Variants in STX17 observed in about 807,000 individuals in gnomAD.
STX17 encodes syntaxin 17, also known as syntaxin-17.
A neutral mutation model predicts 35.9 loss-of-function variants in STX17; 29 were observed. The observed-to-expected ratio is 0.81, with a 90% CI of 0.60 to 1.10. STX17 has a LOEUF of 1.10. STX17 is among the 50% of genes least tolerant of loss of function. The probability of loss-of-function intolerance (pLI) is 0.00; values close to 1 mark genes in which losing one functional copy is unlikely to be tolerated. For synonymous variants in STX17, 92 were observed against 118.3 expected (o/e 0.78, Z 1.44); for missense variants, 312 against 352.3 (o/e 0.89, Z 0.92).
At chr9:99,913,371 T>C (rs1048359340) in intron 1 of STX17, among the ~76,000 whole-genome samples, 1 of 152,100 alleles carries the variant, frequency 6.6e-6, no homozygotes, top group African/African-American at 2.4e-5. Flanking sequence ...ACTTTTCATC[T>C]TTTTATTCCT....
At chr9:99,958,461 G>C (rs554504814) in intron 4 of STX17, among the ~76,000 whole-genome samples, 1 of 152,344 alleles carries the variant, frequency 6.6e-6, no homozygotes, top group African/African-American at 2.4e-5. Context: ...AGCAGCAGCA[G>C]TAACTAATTT....
rs370341389 is a variant in STX17 at position 99,972,064 on chromosome 9, G to T, written c.*3391G>T. ...TTGAAATGACACATTCCATTCATTTGCATCTTTTTAAAAAACTTCTGATTC... is the reference window on the plus strand; with the variant it reads ...TTGAAATGACACATTCCATTCATTTTCATCTTTTTAAAAAACTTCTGATTC... On this transcript the variant is annotated 3_prime_UTR_variant, in exon 8 of 8. Coordinates refer to ENST00000259400, the MANE Select transcript of STX17 (RefSeq NM_017919.3). Among the ~76,000 whole-genome samples the T allele has an allele frequency of 1.5e-4, 23 of 152,254 alleles. No homozygotes were observed. In the East Asian group the frequency reaches 4.2e-3, roughly 28 times the overall value.
At chr9:99,915,080 A>T in intron 1 of STX17, 98 bp from the exon 2 acceptor site, 1 of 747,028 alleles carries the variant, frequency 1.3e-6, no homozygotes, top group Non-Finnish European at 1.9e-6. Flanking sequence ...GAAATATTCT[A>T]TTTATTGATT....
intron 3 of STX17, among the ~76,000 whole-genome samples, chr9:99,941,956 T>C (rs1829374113): frequency 6.6e-6 from 1 of 152,324 alleles, no homozygotes; most frequent in South Asian, 2.1e-4. Context: ...TTTTTACACA[T>C]GTGCACATAT....
chr9:99,958,082 A>G (rs1319763590), intron 4 of STX17, among the ~76,000 whole-genome samples: 3 of 152,198 alleles, frequency 2.0e-5, no homozygotes, highest in Non-Finnish European at 4.4e-5. Context: ...TACAAATGCC[A>G]TGAATAATCT....
chr9:99,949,419 T>C (rs1829548170), intron 3 of STX17, among the ~76,000 whole-genome samples: 1 of 152,012 alleles, frequency 6.6e-6, no homozygotes, highest in African/African-American at 2.4e-5. Flanking sequence ...AAACTTTAGA[T>C]TGTATTATAT....
chr9:99,957,138 A>G (rs1474432862), intron 4 of STX17, among the ~76,000 whole-genome samples: 1 of 152,090 alleles, frequency 6.6e-6, no homozygotes, highest in Non-Finnish European at 1.5e-5. Flanking sequence ...TTACATAGCT[A>G]TATTGTTTAT....
chr9:99,930,897 A>G (rs1303702662), intron 3 of STX17, among the ~76,000 whole-genome samples: 1 of 152,174 alleles, frequency 6.6e-6, no homozygotes, highest in Non-Finnish European at 1.5e-5. Context: ...CTCTTTCAAT[A>G]TTGAAGGCTT....
intron 1 of STX17, among the ~76,000 whole-genome samples, chr9:99,908,849 C>T (rs1242183526): frequency 7.9e-5 from 12 of 152,132 alleles, no homozygotes; most frequent in Non-Finnish European, 2.9e-5. Context: ...ATATGCATAC[C>T]CATGCATACA....
intron 2 of STX17, among the ~76,000 whole-genome samples, chr9:99,916,390 C>CATTTATTTATTT (rs146484577): frequency 1.4e-4 from 20 of 141,922 alleles, no homozygotes; most frequent in African/African-American, 4.1e-4. Flanking sequence ...GCAGAACCTC[C>CATTTATTTATTT]ATTTATTTAT....
chr9:99,973,439 G>A lies in STX17; in HGVS notation c.*4766G>A, dbSNP rs1830051539. ...AGCTACAACGGAAAGATAATTGGACGGGGAATCCTGAGATCAGAGTCCTAG... is the reference window on the plus strand; with the variant it reads ...AGCTACAACGGAAAGATAATTGGACAGGGAATCCTGAGATCAGAGTCCTAG... On this transcript the variant is annotated 3_prime_UTR_variant, in exon 8 of 8. Transcript: ENST00000259400. Among the ~76,000 whole-genome samples, 1 of 152,148 alleles carries A rather than the reference G, an allele frequency of 6.6e-6. No individual in the cohort carries two copies. Among genetic ancestry groups the A allele is most frequent in the Non-Finnish European group, 1.5e-5 (1 of 68,012 alleles).
chr9:99,935,942 A>T (rs1481391471), intron 3 of STX17, among the ~76,000 whole-genome samples: 1 of 152,220 alleles, frequency 6.6e-6, no homozygotes, highest in Non-Finnish European at 1.5e-5. Flanking sequence ...AGATGAAGTC[A>T]AAGAGATCAG....
rs1404829669 is a variant in STX17 at position 99,972,534 on chromosome 9, A to G, written c.*3861A>G. Among the ~76,000 whole-genome samples, 1 of 152,184 alleles carries G rather than the reference A, an allele frequency of 6.6e-6. No individual in the cohort carries two copies. The highest frequency in any genetic ancestry group is 2.4e-5 in the African/African-American group (1 of 41,452). ...GGATTTTGAGGTTATACTGAAACTGAGTGCTGTACAGGGAGAATTGCATGA... is the reference window on the plus strand; with the variant it reads ...GGATTTTGAGGTTATACTGAAACTGGGTGCTGTACAGGGAGAATTGCATGA... On this transcript the variant is annotated 3_prime_UTR_variant, in exon 8 of 8. Coordinates refer to ENST00000259400, the MANE Select transcript of STX17 (RefSeq NM_017919.3).
chr9:99,929,582 TC>T (rs1829067737), intron 3 of STX17, among the ~76,000 whole-genome samples: 1 of 151,888 alleles, frequency 6.6e-6, no homozygotes, highest in African/African-American at 2.4e-5. Flanking sequence ...GACTGATATT[TC>T]TTGATTAATC....
rs1487019327 is a variant in STX17 at position 99,973,945 on chromosome 9, G to T, written c.*5272G>T. Reference sequence around the variant, plus strand: ...ATTTTAAGGTTTTTCTATGGTGAAGGTTCAAACTGGTAATAAACCATGTTT... The same window carrying T: ...ATTTTAAGGTTTTTCTATGGTGAAGTTTCAAACTGGTAATAAACCATGTTT... On this transcript the variant is annotated 3_prime_UTR_variant, in exon 8 of 8. Coordinates refer to ENST00000259400, the MANE Select transcript of STX17 (RefSeq NM_017919.3). 6.6e-6 allele frequency among the ~76,000 whole-genome samples: 1 copy of T among 152,090 alleles called. No individual in the cohort carries two copies. The highest frequency in any genetic ancestry group is 2.4e-5 in the African/African-American group (1 of 41,406).
chr9:99,912,744 A>G (rs893135296), intron 1 of STX17, among the ~76,000 whole-genome samples: 1 of 152,216 alleles, frequency 6.6e-6, no homozygotes, highest in South Asian at 2.1e-4. Flanking sequence ...AATTATTTAC[A>G]TGGAAACATT....
intron 3 of STX17, among the ~76,000 whole-genome samples, chr9:99,949,215 A>G (rs1829543862): frequency 6.6e-6 from 1 of 152,082 alleles, no homozygotes; most frequent in Non-Finnish European, 1.5e-5. Flanking sequence ...TTGAATCTAC[A>G]GTTTAATTAT....
intron 4 of STX17, among the ~76,000 whole-genome samples, chr9:99,954,602 C>T (rs1052926547): frequency 6.6e-6 from 1 of 151,974 alleles, no homozygotes; most frequent in African/African-American, 2.4e-5. Context: ...ATTCTATGCT[C>T]TCCAGTTTTT....
intron 3 of STX17, among the ~76,000 whole-genome samples, chr9:99,929,550 C>T (rs1464656577): frequency 6.6e-6 from 1 of 151,732 alleles, no homozygotes; most frequent in African/African-American, 2.4e-5. Context: ...TGAAATTTAC[C>T]TATATTACTA....
Sources: allele counts gnomAD v4.1 joint callset (sites outside exome capture counted in the v4.1 genomes callset), GRCh38; gene constraint gnomAD v4.1.1; transcripts MANE v1.5; gene names NCBI Gene and HGNC (gene_info 2026-07-23, HGNC 2026-07-21).